RUNDC3B: variants seen among roughly 807,000 people sequenced by gnomAD.
RUNDC3B encodes RUN domain containing 3B.
RUNDC3B carries 33 observed loss-of-function variants against 58.4 expected under a neutral mutation model. That is an observed-to-expected ratio of 0.56 (90% CI 0.43 to 0.75). The LOEUF (loss-of-function observed/expected upper bound fraction) is 0.75. Among genes scored for constraint, RUNDC3B ranks in the 30% least tolerant of loss-of-function variants. The pLI is 0.00. For synonymous variants in RUNDC3B, 193 were observed against 195.2 expected, an observed-to-expected ratio of 0.99 and a Z score of 0.10; for missense variants, 501 against 535.7, an observed-to-expected ratio of 0.94 and a Z score of 0.64.
At chr7:87,669,101 A>C (rs1217504355) in intron 2 of RUNDC3B, among the ~76,000 whole-genome samples, 3 of 151,738 alleles carry the variant, frequency 2.0e-5, no homozygotes, top group South Asian at 4.1e-4. Context: ...TATTTTTTCC[A>C]TGGGAGTTTG....
chr7:87,745,613 G>A (rs568329091), intron 6 of RUNDC3B, among the ~76,000 whole-genome samples: 11 of 152,140 alleles, frequency 7.2e-5, no homozygotes, highest in Non-Finnish European at 1.0e-4. Flanking sequence ...GGTGTTCATA[G>A]TAGCCTTGAA....
Position 87,770,561 on chromosome 7 carries a change from TA to T in RUNDC3B, c.630-16del, listed in dbSNP as rs1563198103. On this transcript the variant is annotated intron_variant, in intron 6 of 10. Coordinates refer to ENST00000394654, the MANE Select transcript of RUNDC3B (RefSeq NM_001134405.2). ...TTGGAACATATTTTTAACTTTTTTT[TA>T]AAATTTTGATCTTCCCAGTTCTGAT... is the stretch of plus-strand genomic sequence containing the variant. 1.9e-6 allele frequency: 3 copies of T among 1,589,188 alleles called. No homozygotes were observed. The Admixed American group carries it at 5.4e-5, about 29-fold the overall frequency.
At chr7:87,755,468 T>C (rs186165271) in intron 6 of RUNDC3B, among the ~76,000 whole-genome samples, 10 of 152,322 alleles carry the variant, frequency 6.6e-5, no homozygotes, top group African/African-American at 2.2e-4. Context: ...GTATCCTTGA[T>C]GAACATTATT....
intron 10 of RUNDC3B, among the ~76,000 whole-genome samples, chr7:87,818,095 T>A (rs1403012537): frequency 6.6e-6 from 1 of 152,256 alleles, no homozygotes; most frequent in East Asian, 1.9e-4. Flanking sequence ...TCATAATCCA[T>A]AATGAGTATA....
intron 8 of RUNDC3B, among the ~76,000 whole-genome samples, chr7:87,804,193 C>A (rs1464282527): frequency 6.6e-6 from 1 of 152,120 alleles, no homozygotes; most frequent in Non-Finnish European, 1.5e-5. Context: ...GAATTTGGAT[C>A]TTTTGAATAA....
At chr7:87,644,769 A>G (rs1822815215) in intron 1 of RUNDC3B, among the ~76,000 whole-genome samples, 1 of 152,008 alleles carries the variant, frequency 6.6e-6, no homozygotes, top group South Asian at 2.1e-4. Context: ...ATATGGATAT[A>G]TATATATTAA....
At chr7:87,646,755 A>G (rs2130342482) in intron 1 of RUNDC3B, among the ~76,000 whole-genome samples, 1 of 152,174 alleles carries the variant, frequency 6.6e-6, no homozygotes, top group South Asian at 2.1e-4. Context: ...TGGCAGCATT[A>G]TTCTTGTGTA....
At chr7:87,742,619 G>GATAGATAGATAT (rs1031027066) in intron 6 of RUNDC3B, among the ~76,000 whole-genome samples, 1 of 149,392 alleles carries the variant, frequency 6.7e-6, no homozygotes, top group Non-Finnish European at 1.5e-5. Context: ...TAGATAGATA[G>GATAGATAGATAT]ATATCATGGT....
chr7:87,629,112 G>C (rs1820932772), intron 1 of RUNDC3B, 167 bp downstream of exon 1: 1 of 554,174 alleles, frequency 1.8e-6, no homozygotes, highest in African/African-American at 2.0e-5. Context: ...ACAGGGGCCC[G>C]GGTCTGGACA....
intron 2 of RUNDC3B, among the ~76,000 whole-genome samples, chr7:87,669,360 A>G (rs1284504065): frequency 6.6e-5 from 10 of 152,082 alleles, no homozygotes; most frequent in Admixed American, 6.6e-4. Flanking sequence ...TTTTGAGCCT[A>G]TGAGTGTCAT....
intron 8 of RUNDC3B, among the ~76,000 whole-genome samples, chr7:87,794,415 C>T (rs1299802185): frequency 6.6e-6 from 1 of 152,064 alleles, no homozygotes; most frequent in Non-Finnish European, 1.5e-5. Flanking sequence ...AGCCTGATGA[C>T]AGAGCCAGAC....
intron 8 of RUNDC3B, among the ~76,000 whole-genome samples, chr7:87,791,090 A>C (rs1835498057): frequency 6.6e-6 from 1 of 152,302 alleles, no homozygotes; most frequent in African/African-American, 2.4e-5. Flanking sequence ...AAGCAGCAAG[A>C]GAAAAGGAAC....
At chr7:87,731,169 A>G (rs2130793827) in intron 4 of RUNDC3B, among the ~76,000 whole-genome samples, 1 of 151,334 alleles carries the variant, frequency 6.6e-6, no homozygotes, top group East Asian at 1.9e-4. Context: ...CAATGCCAAG[A>G]AAAAAAAACA....
At chr7:87,806,599 C>A (rs935040823) in intron 8 of RUNDC3B, among the ~76,000 whole-genome samples, 6 of 152,118 alleles carry the variant, frequency 3.9e-5, no homozygotes, top group African/African-American at 1.4e-4. Flanking sequence ...TGACAATGAT[C>A]AGTTGGTTTT....
At chr7:87,629,412 G>C (rs1820974979) in intron 1 of RUNDC3B, 1 of 153,072 alleles carries the variant, frequency 6.5e-6, no homozygotes, top group Non-Finnish European at 1.5e-5. Flanking sequence ...CACGTTAGTT[G>C]AGTGCCTACT....
rs180794297 is a variant in RUNDC3B, at chr7:87,737,146, G to A, written c.459-2645G>A. Among the ~76,000 whole-genome samples, 432 of 151,594 alleles carry A rather than the reference G, an allele frequency of 2.8e-3. 3 individuals carry two copies. The highest frequency in any genetic ancestry group is 9.7e-3 in the African/African-American group (403 of 41,370). On this transcript the variant is annotated intron_variant, in intron 4 of 10. Transcript: ENST00000394654. ...ACTCCTGGGCTCAAATGATCTGCCT[G>A]TTAAGGCTCCAGAAGTGCTGGGATT...
At chr7:87,707,008 A>G (rs1377018545) in intron 3 of RUNDC3B, among the ~76,000 whole-genome samples, 1 of 152,314 alleles carries the variant, frequency 6.6e-6, no homozygotes, top group East Asian at 1.9e-4. Flanking sequence ...CCCCTGAAAG[A>G]CAATATCTTT....
At chr7:87,653,213 T>C (rs1431282791) in intron 2 of RUNDC3B, among the ~76,000 whole-genome samples, 1 of 152,084 alleles carries the variant, frequency 6.6e-6, no homozygotes, top group Non-Finnish European at 1.5e-5. Flanking sequence ...TTTGTTCAGG[T>C]CCTTCAGTAA....
chr7:87,780,996 T>C lies in RUNDC3B; in HGVS notation c.956+3041T>C, dbSNP rs1020353668. Among the ~76,000 whole-genome samples the C allele has an allele frequency of 3.3e-5, 5 of 152,180 alleles. No homozygotes were observed. In the East Asian group the frequency reaches 9.6e-4, roughly 29 times the overall value. ...TCCATATTAATTTTAGAATTTCTTT[T>C]CTAATTCTGTGAAAAATGATGTTGG... On this transcript the variant is annotated intron_variant, in intron 8 of 10. Transcript: ENST00000394654.
Sources: gnomAD v4.1 joint callset for allele counts (sites outside exome capture counted in the v4.1 genomes callset) on GRCh38, gnomAD v4.1.1 for gene constraint, MANE v1.5 for transcripts, NCBI Gene and HGNC (gene_info 2026-07-23, HGNC 2026-07-21) for gene names.